MCM8: variants seen among roughly 807,000 people sequenced by gnomAD.
MCM8 encodes minichromosome maintenance 8 homologous recombination repair factor.
In MCM8, 85 loss-of-function variants were observed where a neutral mutation model predicts 98.9. The observed-to-expected ratio is 0.86, with a 90% CI of 0.72 to 1.03. The LOEUF (loss-of-function observed/expected upper bound fraction) is 1.03, where lower values mean the gene tolerates loss of function less well. Ranked by LOEUF, MCM8 falls within the 50% of genes least tolerant of loss-of-function variation. The pLI, the probability that MCM8 is intolerant of heterozygous loss-of-function variation, is 0.00. For synonymous variants in MCM8, 352 were observed against 338.6 expected, an observed-to-expected ratio of 1.04 and a Z score of -0.44; for missense variants, 951 against 997.8, an observed-to-expected ratio of 0.95 and a Z score of 0.63.
chr20:5,982,248 G>T (rs181866482), intron 13 of MCM8, among the ~76,000 whole-genome samples: 26 of 152,246 alleles, frequency 1.7e-4, no homozygotes, highest in African/African-American at 6.3e-4. Flanking sequence ...AGACTAATCA[G>T]CAGTTATTTT....
chr20:5,981,593 G>C (rs754918894), intron 13 of MCM8, among the ~76,000 whole-genome samples: 1 of 152,112 alleles, frequency 6.6e-6, no homozygotes, highest in Non-Finnish European at 1.5e-5. Context: ...TGGGAAAAGC[G>C]TATTGACAAG....
At chr20:5,952,619 A>G (rs2088863886) in intron 3 of MCM8, 91 bp downstream of exon 3, 1 of 1,009,300 alleles carries the variant, frequency 9.9e-7, no homozygotes, top group Non-Finnish European at 1.5e-6. Flanking sequence ...TAATTCATTT[A>G]CTAACATATA....
intron 5 of MCM8, among the ~76,000 whole-genome samples, chr20:5,956,381 G>A (rs2088982348): frequency 1.3e-5 from 2 of 152,196 alleles, no homozygotes; most frequent in Admixed American, 1.3e-4. Flanking sequence ...TAGGTTGCCA[G>A]CAAACTGCTG....
intron 7 of MCM8, among the ~76,000 whole-genome samples, chr20:5,960,011 A>G (rs1402946408): frequency 6.6e-6 from 1 of 152,066 alleles, no homozygotes; most frequent in African/African-American, 2.4e-5. Flanking sequence ...GATGTTACCA[A>G]ATTACTTTCC....
In MCM8 at chr20:5,985,837, C is replaced by T. The variant is rs555197040; in HGVS notation, c.1954-85C>T. On this transcript the variant is annotated intron_variant, in intron 15 of 18. Transcript: ENST00000610722. ...CAGGGATTACAGGCGTGAGCCACTG[C>T]ACCTGGCCTAAACAAGTTATTTTAG... The T allele has an allele frequency of 5.7e-6, 8 of 1,392,284 alleles. No individual in the cohort carries two copies. In the South Asian group the frequency reaches 1.0e-4, roughly 17 times the overall value. The allele number at this position is 1,392,284 out of a possible 1,614,324, so 86.2% of individuals were successfully genotyped here. A position where few individuals can be genotyped will look rare whatever the true frequency, so the allele number is the denominator to read the frequency against.
At chr20:5,959,811 G>T (rs768352172) in intron 7 of MCM8, among the ~76,000 whole-genome samples, 2 of 147,850 alleles carry the variant, frequency 1.4e-5, no homozygotes, top group Non-Finnish European at 3.0e-5. Context: ...CAGTTCTCCT[G>T]CCTCAGCCTC....
At chr20:5,963,421 A>G (rs1472536440) in intron 8 of MCM8, 62 bp downstream of exon 8, 8 of 1,208,168 alleles carry the variant, frequency 6.6e-6, no homozygotes, top group African/African-American at 1.5e-5. Context: ...GAGAAAATCC[A>G]TAATTTTACT....
chr20:5,967,692 T>C, intron 9 of MCM8, 105 bp downstream of exon 9: 1 of 1,410,568 alleles, frequency 7.1e-7, no homozygotes, highest in Non-Finnish European at 9.6e-7. Flanking sequence ...AATTTCTTGT[T>C]GCTTACATAA....
rs2089414784 is a variant in MCM8 at position 5,972,032 on chromosome 20, C to G, written c.1249C>G (p.His417Asp). Residue 417 changes from histidine (H) to aspartate (D), a missense_variant, in exon 11 of 19, where the codon CAT becomes GAT. Coordinates refer to ENST00000610722, the MANE Select transcript of MCM8 (RefSeq NM_032485.6). The part of the protein sequence containing the change: ...VNSLCPVIFG[H>D]ELVKAGLALA... Reference sequence around the variant, plus strand: ...CTCGCTTTGCCCTGTCATTTTTGGTCATGAAGTAAGTATTTTACTTCATCT... The same window carrying G: ...CTCGCTTTGCCCTGTCATTTTTGGTGATGAAGTAAGTATTTTACTTCATCT... The G allele has an allele frequency of 1.2e-6, 2 of 1,610,196 alleles. No homozygotes were observed. The highest frequency in any genetic ancestry group is 1.7e-6 in the Non-Finnish European group (2 of 1,177,910).
intron 6 of MCM8, among the ~76,000 whole-genome samples, chr20:5,957,880 C>A (rs888739301): frequency 6.6e-6 from 1 of 152,152 alleles, no homozygotes; most frequent in Non-Finnish European, 1.5e-5. Flanking sequence ...TAATCATCAG[C>A]ATTTTGTTTT....
chr20:5,951,546 G>A (rs2088823781), intron 1 of MCM8, among the ~76,000 whole-genome samples: 2 of 152,188 alleles, frequency 1.3e-5, no homozygotes, highest in Non-Finnish European at 2.9e-5. Flanking sequence ...CACAAAAAAT[G>A]GATGTGACAC....
At chr20:5,985,179 C>A (rs898864565) in intron 15 of MCM8, among the ~76,000 whole-genome samples, 179 bp downstream of exon 15, 1 of 152,096 alleles carries the variant, frequency 6.6e-6, no homozygotes, top group African/African-American at 2.4e-5. Context: ...GGCGTGGTGG[C>A]TTATGCCGGT....
intron 7 of MCM8, among the ~76,000 whole-genome samples, chr20:5,961,304 A>G (rs544921386): frequency 1.3e-5 from 2 of 152,330 alleles, no homozygotes; most frequent in South Asian, 2.1e-4. Context: ...TGGATGTATA[A>G]TGTTTCCTCG....
chr20:5,967,135 T>C (rs1014179718), intron 8 of MCM8, among the ~76,000 whole-genome samples: 1 of 152,222 alleles, frequency 6.6e-6, no homozygotes, highest in African/African-American at 2.4e-5. Flanking sequence ...ATCAATACTT[T>C]ACCATTTGCT....
At chr20:5,967,644 C>A in intron 9 of MCM8, 57 bp downstream of exon 9, 1 of 1,542,934 alleles carries the variant, frequency 6.5e-7, no homozygotes, top group Non-Finnish European at 8.8e-7. Context: ...CAACGTTCAT[C>A]TTTTCTAAGA....
At chr20:5,981,074 G>T (rs1233685966) in intron 13 of MCM8, among the ~76,000 whole-genome samples, 1 of 152,052 alleles carries the variant, frequency 6.6e-6, no homozygotes, top group Non-Finnish European at 1.5e-5. Context: ...GGTTGTGCAT[G>T]GCCTGTGAAA....
intron 5 of MCM8, among the ~76,000 whole-genome samples, chr20:5,955,711 T>G (rs1945142693): frequency 6.6e-6 from 1 of 152,088 alleles, no homozygotes; most frequent in Non-Finnish European, 1.5e-5. Flanking sequence ...CTTGCCTGAG[T>G]TTTTTTTCAG....
intron 11 of MCM8, chr20:5,972,465 C>T (rs2122742810): frequency 3.9e-6 from 1 of 256,884 alleles, no homozygotes; most frequent in South Asian, 3.7e-5. Context: ...AATTTAGCCT[C>T]CAAAGTGCTG....
At chr20:5,957,525 T>A (rs1310229381) in intron 6 of MCM8, among the ~76,000 whole-genome samples, 1 of 152,220 alleles carries the variant, frequency 6.6e-6, no homozygotes, top group East Asian at 1.9e-4. Context: ...AATCCATGTA[T>A]GGGTTGAGTA....
Sources: gnomAD v4.1 joint callset for allele counts (sites outside exome capture counted in the v4.1 genomes callset) on GRCh38, gnomAD v4.1.1 for gene constraint, MANE v1.5 for transcripts, NCBI Gene and HGNC (gene_info 2026-07-23, HGNC 2026-07-21) for gene names.